Variants in UHRF2 observed in about 807,000 individuals in gnomAD.
UHRF2 encodes the protein E3 ubiquitin-protein ligase UHRF2.
A neutral mutation model predicts 96.8 loss-of-function variants in UHRF2; 23 were observed. The observed-to-expected ratio is 0.24, with a 90% CI of 0.17 to 0.34. The LOEUF is 0.34. Ranked by LOEUF, UHRF2 falls within the 10% of genes least tolerant of loss-of-function variation. The pLI, the probability that UHRF2 is intolerant of heterozygous loss-of-function variation, is 1.00. For synonymous variants in UHRF2, 385 were observed against 332.6 expected (o/e 1.16, Z -1.72); for missense variants, 685 against 981.5 (o/e 0.70, Z 4.04).
chr9:6,501,649 T>C (rs1410996312), intron 14 of UHRF2, among the ~76,000 whole-genome samples: 7 of 152,224 alleles, frequency 4.6e-5, no homozygotes, highest in Non-Finnish European at 1.0e-4. Context: ...GAGTTATCTT[T>C]GGCAAAATGA....
chr9:6,439,474 G>A (rs187637201), intron 3 of UHRF2, among the ~76,000 whole-genome samples: 95 of 152,286 alleles, frequency 6.2e-4, no homozygotes, highest in African/African-American at 2.0e-3. Context: ...GTGAATATTC[G>A]ATTGTCAGCC....
At position 6,506,718 on chromosome 9, in the gene UHRF2, A is replaced by G. The variant is rs1441095681; in HGVS notation, c.*539A>G. 1.3e-5 allele frequency: 2 copies of G among 152,786 alleles called. No homozygotes were observed. The highest frequency in any genetic ancestry group is 2.9e-5 in the Non-Finnish European group (2 of 68,190). The allele number at this position is 152,786 out of a possible 1,614,324, so 9.5% of individuals were successfully genotyped here. ...TTCATTTTTTTTAGCCCACTTTGTG[A>G]ACTCCATTGTGCTTTTTTCTGGTGT... On this transcript the variant is annotated 3_prime_UTR_variant, in exon 16 of 16. Transcript: ENST00000276893.
chr9:6,445,662 A>G (rs1462603312), intron 3 of UHRF2, among the ~76,000 whole-genome samples: 1 of 152,150 alleles, frequency 6.6e-6, no homozygotes, highest in South Asian at 2.1e-4. Flanking sequence ...GGTTCAAGTG[A>G]TCCTCCTACC....
intron 1 of UHRF2, among the ~76,000 whole-genome samples, chr9:6,416,057 C>G (rs950015444): frequency 1.3e-5 from 2 of 151,954 alleles, no homozygotes; most frequent in Admixed American, 6.6e-5. Context: ...ATTGACTCCA[C>G]TTTTTTTGTT....
intron 2 of UHRF2, among the ~76,000 whole-genome samples, chr9:6,432,186 AT>A (rs1388767477): frequency 6.6e-6 from 1 of 151,916 alleles, no homozygotes; most frequent in South Asian, 2.1e-4. Context: ...TTAGGTTTTT[AT>A]TTTTTCCTAA....
chr9:6,416,986 CAG>C (rs1819645660), intron 1 of UHRF2, among the ~76,000 whole-genome samples: 1 of 152,084 alleles, frequency 6.6e-6, no homozygotes, highest in Non-Finnish European at 1.5e-5. Context: ...GGTTTTCACA[CAG>C]AATATAAAAG....
chr9:6,488,540 CTTTTTTTT>C (rs58280407), intron 9 of UHRF2, among the ~76,000 whole-genome samples: 33 of 83,812 alleles, frequency 3.9e-4, no homozygotes, highest in Middle Eastern at 9.3e-3. Context: ...TTTTTCTTTT[CTTTTTTTT>C]TTTTTTTTTT....
intron 1 of UHRF2, among the ~76,000 whole-genome samples, chr9:6,419,482 A>C (rs892030462): frequency 3.3e-5 from 5 of 152,092 alleles, no homozygotes; most frequent in African/African-American, 9.7e-5. Flanking sequence ...TGCTTGACTT[A>C]AAAAATAAAA....
intron 4 of UHRF2, among the ~76,000 whole-genome samples, chr9:6,462,568 T>C (rs748300596): frequency 5.9e-5 from 9 of 152,140 alleles, no homozygotes; most frequent in Non-Finnish European, 8.8e-5. Context: ...AGAAAGCATG[T>C]GTACACAGTA....
At chr9:6,428,746 A>C (rs757753676) in intron 2 of UHRF2, among the ~76,000 whole-genome samples, 5 of 151,834 alleles carry the variant, frequency 3.3e-5, no homozygotes, top group Admixed American at 6.6e-5. Flanking sequence ...ACAGAGTTTC[A>C]CTATGTTGTC....
intron 9 of UHRF2, among the ~76,000 whole-genome samples, chr9:6,488,088 G>T (rs1824417100): frequency 6.7e-6 from 1 of 150,002 alleles, no homozygotes; most frequent in Non-Finnish European, 1.5e-5. Flanking sequence ...CAAAAAAACA[G>T]AGAAATTAGC....
In UHRF2 at chr9:6,445,407, G is replaced by A. The variant is rs2130801282; in HGVS notation, c.644+11234G>A. Among the ~76,000 whole-genome samples, 5 of 152,150 alleles carry A rather than the reference G, an allele frequency of 3.3e-5. 1 individual carries two copies. The South Asian group carries it at 1.0e-3, about 32-fold the overall frequency. On this transcript the variant is annotated intron_variant, in intron 3 of 15. Coordinates refer to ENST00000276893, the MANE Select transcript of UHRF2 (RefSeq NM_152896.3). ...GCCTCCTGAGTAACGGATTACAGGGGCATTCCACCACATTCGGCTAATTTT... is the reference window on the plus strand; with the variant it reads ...GCCTCCTGAGTAACGGATTACAGGGACATTCCACCACATTCGGCTAATTTT...
intron 1 of UHRF2, 25 bp downstream of exon 1, chr9:6,413,668 A>T: frequency 6.5e-7 from 1 of 1,548,166 alleles, no homozygotes; most frequent in Non-Finnish European, 8.7e-7. Flanking sequence ...CCGCGCCCCT[A>T]GCGAGGCTGG....
intron 4 of UHRF2, among the ~76,000 whole-genome samples, chr9:6,461,399 C>T (rs996439479): frequency 2.3e-5 from 3 of 132,902 alleles, no homozygotes; most frequent in Non-Finnish European, 3.2e-5. Flanking sequence ...TCCCCCCCGC[C>T]CCTTGTTCTG....
chr9:6,437,421 C>T (rs1389875907), intron 3 of UHRF2, among the ~76,000 whole-genome samples: 4 of 151,926 alleles, frequency 2.6e-5, no homozygotes, highest in African/African-American at 9.7e-5. Flanking sequence ...TTAGTAGATA[C>T]GGGGTTTCAC....
intron 2 of UHRF2, among the ~76,000 whole-genome samples, chr9:6,426,016 A>G (rs1422543624): frequency 2.0e-5 from 3 of 152,168 alleles, no homozygotes; most frequent in Non-Finnish European, 4.4e-5. Context: ...GACAGGATGG[A>G]TTTGCTTTCA....
At chr9:6,447,676 C>T (rs927386077) in intron 3 of UHRF2, among the ~76,000 whole-genome samples, 20 of 151,980 alleles carry the variant, frequency 1.3e-4, no homozygotes, top group African/African-American at 4.1e-4. Context: ...TCCTAGAAGA[C>T]AGTAAAATAA....
chr9:6,424,397 A>C lies in UHRF2; in HGVS notation c.384+3255A>C, dbSNP rs550038099. ...TCACAATTAAGAGAGAATTTTTAGC[A>C]CTGAAAGCCAACTTGCCATTTTTTT... On this transcript the variant is annotated intron_variant, in intron 2 of 15. Coordinates refer to ENST00000276893, the MANE Select transcript of UHRF2 (RefSeq NM_152896.3). Among the ~76,000 whole-genome samples, 34 of 152,332 alleles carry C rather than the reference A, an allele frequency of 2.2e-4. 1 individual carries two copies. In the South Asian group the frequency reaches 3.5e-3, roughly 16 times the overall value.
chr9:6,422,827 C>G (rs376464258), intron 2 of UHRF2: 14 of 394,994 alleles, frequency 3.5e-5, no homozygotes, highest in East Asian at 1.8e-4. Context: ...TAATATTTTG[C>G]TTTATTTCTG....
Sources: gnomAD v4.1 joint callset for allele counts (sites outside exome capture counted in the v4.1 genomes callset) on GRCh38, gnomAD v4.1.1 for gene constraint, MANE v1.5 for transcripts, NCBI Gene and HGNC (gene_info 2026-07-23, HGNC 2026-07-21) for gene names.